Variants in DIAPH2 observed in about 807,000 individuals in gnomAD.
The protein encoded by DIAPH2 is diaphanous related formin 2, also known as protein diaphanous homolog 2.
DIAPH2 carries 35 observed loss-of-function variants against 92.7 expected under a neutral mutation model. That is an observed-to-expected ratio of 0.38 (90% CI 0.29 to 0.50). DIAPH2 has a LOEUF of 0.50. Ranked by LOEUF, DIAPH2 falls within the 20% of genes least tolerant of loss-of-function variation. The pLI is 0.94. For synonymous variants in DIAPH2, 301 were observed against 280.4 expected (o/e 1.07, Z -0.73); for missense variants, 701 against 819.5 (o/e 0.86, Z 1.77).
intron 26 of DIAPH2, among the ~76,000 whole-genome samples, chrX:97,598,984 G>T (rs190940802): frequency 1.8e-5 from 2 of 111,634 alleles, no homozygotes; most frequent in African/African-American, 6.5e-5. Flanking sequence ...TTTCCAAGGG[G>T]ACTGTGCTTG....
chrX:96,941,454 A>T (rs146326989), intron 12 of DIAPH2, among the ~76,000 whole-genome samples: 2,884 of 111,821 alleles, frequency 0.026, 103 homozygotes, highest in African/African-American at 0.089. Context: ...TTAAGTGTGT[A>T]TGCTTTTATA....
At chrX:97,107,972 C>T (rs892049023) in intron 20 of DIAPH2, among the ~76,000 whole-genome samples, 11 of 108,835 alleles carry the variant, frequency 1.0e-4, no homozygotes, top group South Asian at 4.2e-4. Context: ...TCTCCTTTTC[C>T]GTCACATATG....
At chrX:97,042,567 T>C (rs1469599942) in intron 17 of DIAPH2, among the ~76,000 whole-genome samples, 1 of 112,122 alleles carries the variant, frequency 8.9e-6, no homozygotes, top group Non-Finnish European at 1.9e-5. Flanking sequence ...TTCCCATGTG[T>C]GCATGTGTGT....
chrX:96,779,161 A>G (rs2064398466), intron 4 of DIAPH2, among the ~76,000 whole-genome samples: 1 of 111,981 alleles, frequency 8.9e-6, no homozygotes, highest in Non-Finnish European at 1.9e-5. Context: ...ATTCTTCTGT[A>G]AAGTAGAACT....
At chrX:97,017,470 C>T (rs949958262) in intron 17 of DIAPH2, among the ~76,000 whole-genome samples, 2 of 111,282 alleles carry the variant, frequency 1.8e-5, no homozygotes, top group Non-Finnish European at 3.8e-5. Flanking sequence ...AGGAAGTGAC[C>T]CTCAAGAATT....
chrX:97,315,659 T>G (rs1449017991), intron 23 of DIAPH2, among the ~76,000 whole-genome samples: 1 of 87,492 alleles, frequency 1.1e-5, no homozygotes, highest in Non-Finnish European at 2.3e-5. Flanking sequence ...AAAGTGTTCT[T>G]TTAACCATTT....
intron 23 of DIAPH2, among the ~76,000 whole-genome samples, chrX:97,331,446 C>T (rs764752181): frequency 9.8e-5 from 11 of 111,729 alleles, no homozygotes; most frequent in African/African-American, 3.6e-4. Context: ...CATACCTACA[C>T]GTACACAGAA....
chrX:97,168,388 A>G (rs779924098), intron 22 of DIAPH2, among the ~76,000 whole-genome samples: 44 of 111,305 alleles, frequency 4.0e-4, no homozygotes, highest in Non-Finnish European at 7.3e-4. Flanking sequence ...CGCCCAGCCT[A>G]TATAGTCATT....
At chrX:97,022,620 A>C (rs1387114153) in intron 17 of DIAPH2, among the ~76,000 whole-genome samples, 1 of 112,103 alleles carries the variant, frequency 8.9e-6, no homozygotes, top group African/African-American at 3.2e-5. Flanking sequence ...TGGAAATATC[A>C]TTGGCAAATT....
intron 26 of DIAPH2, among the ~76,000 whole-genome samples, chrX:97,481,678 G>C (rs986206883): frequency 5.4e-5 from 6 of 111,388 alleles, no homozygotes; most frequent in Non-Finnish European, 1.1e-4. Flanking sequence ...TGAGATTCTA[G>C]AGAATAGGAA....
rs187717298 is a variant in DIAPH2 at position 97,337,939 on chromosome X, C to T, written c.2845-10177C>T. Among the ~76,000 whole-genome samples the T allele has an allele frequency of 3.2e-4, 34 of 104,921 alleles. No homozygotes were observed. In the East Asian group the frequency reaches 9.7e-3, roughly 30 times the overall value. 91.1% of individuals were successfully genotyped at this position (104,921 alleles called of 115,157 possible). ...TCAGGCTGGAGTGCAGTGGTGCAAT[C>T]TCAGCTCACTGCAACCTCCATCTCC... On this transcript the variant is annotated intron_variant, in intron 23 of 26. Coordinates refer to ENST00000324765, the MANE Select transcript of DIAPH2 (RefSeq NM_006729.5).
intron 25 of DIAPH2, among the ~76,000 whole-genome samples, chrX:97,427,653 G>GT (rs2070082087): frequency 1.4e-5 from 1 of 70,373 alleles, no homozygotes; most frequent in Admixed American, 1.8e-4. Context: ...ATGTTGTTTT[G>GT]TTTGTTTTGT....
rs753227598 is a variant in DIAPH2 at position 96,988,113 on chromosome X, C to T, written c.2050+22906C>T. Among the ~76,000 whole-genome samples, 4 of 109,647 alleles carry T rather than the reference C, an allele frequency of 3.6e-5. No individual in the cohort carries two copies. In the Admixed American group the frequency reaches 3.9e-4, roughly 11 times the overall value. The stretch of plus-strand genomic sequence containing the variant: ...TATATATATATATTGAGGATCTGCT[C>T]TGTGCCAGATGCTAGTCTAGGCCTT... On this transcript the variant is annotated intron_variant, in intron 17 of 26. Coordinates refer to ENST00000324765, the MANE Select transcript of DIAPH2 (RefSeq NM_006729.5).
intron 4 of DIAPH2, among the ~76,000 whole-genome samples, chrX:96,764,931 G>A (rs1172411340): frequency 9.0e-6 from 1 of 110,674 alleles, no homozygotes. Context: ...TGTATTTCTA[G>A]TCTTGGTACC....
chrX:97,532,675 A>T (rs1269723085), intron 26 of DIAPH2, among the ~76,000 whole-genome samples: 1 of 113,139 alleles, frequency 8.8e-6, no homozygotes, highest in Non-Finnish European at 1.9e-5. Context: ...GTTTGAAGAA[A>T]TGTCTCAATT....
intron 23 of DIAPH2, among the ~76,000 whole-genome samples, chrX:97,253,740 ACT>A (rs1165621297): frequency 9.0e-6 from 1 of 110,779 alleles, no homozygotes. Flanking sequence ...ACAGAGTGAG[ACT>A]CTGTCTCAAA....
intron 26 of DIAPH2, among the ~76,000 whole-genome samples, chrX:97,516,896 T>TC (rs1407950836): frequency 8.9e-6 from 1 of 112,268 alleles, no homozygotes; most frequent in Non-Finnish European, 1.9e-5. Flanking sequence ...TCTTTTATCT[T>TC]CTTTTTTACT....
At chrX:97,154,148 C>T (rs777813000) in intron 22 of DIAPH2, among the ~76,000 whole-genome samples, 2 of 111,056 alleles carry the variant, frequency 1.8e-5, no homozygotes, top group Non-Finnish European at 3.8e-5. Context: ...TTTGCTGATA[C>T]CTAATAGTGA....
chrX:97,301,635 G>A (rs1398208599), intron 23 of DIAPH2, among the ~76,000 whole-genome samples: 1 of 111,545 alleles, frequency 9.0e-6, no homozygotes, highest in African/African-American at 3.3e-5. Flanking sequence ...CCAGAGATTT[G>A]TGGGACCAAA....
Sources: allele counts gnomAD v4.1 joint callset (sites outside exome capture counted in the v4.1 genomes callset), GRCh38; gene constraint gnomAD v4.1.1; transcripts MANE v1.5; gene names NCBI Gene and HGNC (gene_info 2026-07-23, HGNC 2026-07-21).